The following MASP2 variants were observed in gnomAD, a reference collection of about 807,000 sequenced individuals.
MASP2 encodes mannan-binding lectin serine protease 2.
MASP2 carries 49 observed loss-of-function variants against 57.1 expected under a neutral mutation model. The observed-to-expected ratio is 0.86, with a 90% CI of 0.68 to 1.09. The LOEUF is 1.09. Among genes scored for constraint, MASP2 ranks in the 50% least tolerant of loss-of-function variants. MASP2 has a pLI of 0.00. For missense variants in MASP2, 900 were observed against 874.8 expected, an observed-to-expected ratio of 1.03 and a Z score of -0.36; for synonymous variants, 379 against 340.8, an observed-to-expected ratio of 1.11 and a Z score of -1.24.
At chr1:11,034,435 C>T (rs1337873423) in intron 8 of MASP2, among the ~76,000 whole-genome samples, 2 of 149,884 alleles carry the variant, frequency 1.3e-5, no homozygotes, top group East Asian at 2.0e-4. Flanking sequence ...CAGTGGCTCA[C>T]GCCTGTAATC....
Position 11,047,135 on chromosome 1 carries a change from G to C in MASP2, c.6-16C>G. The C allele has an allele frequency of 6.5e-7, 1 of 1,548,800 alleles. No individual in the cohort carries two copies. On this transcript the variant is annotated splice_polypyrimidine_tract_variant and intron_variant, in intron 1 of 10. Transcript: ENST00000400897. Reference sequence around the variant, plus strand: ...GGTCAGCAGCCTATGGGCAGGGCAGGGGCGGTGAGGGCCCAGGCCTGTGCT... The same window carrying C: ...GGTCAGCAGCCTATGGGCAGGGCAGCGGCGGTGAGGGCCCAGGCCTGTGCT...
In MASP2 at chr1:11,030,197, A is replaced by G. The variant is rs770747868; in HGVS notation, c.1276T>C (p.Ser426Pro). The change falls in exon 10 of 11, where the codon TCA (serine) becomes CCA (proline). Residue 426 changes from serine to proline, a missense_variant. Transcript: ENST00000400897. The stretch of plus-strand genomic sequence containing the variant: ...TTACCAGGCTCACAGACTGGGAGTG[A>G]TTTTTCTCCTTTGGAGCTCGTCCAG... ...GFWTSSKGEK[S>P]LPVCEPVCGL... 2.5e-5 allele frequency: 41 copies of G among 1,613,180 alleles called. No homozygotes were observed. Among genetic ancestry groups the G allele is most frequent in the Non-Finnish European group, 3.4e-5 (40 of 1,179,730 alleles).
intron 8 of MASP2, among the ~76,000 whole-genome samples, chr1:11,031,294 C>A: frequency 6.6e-6 from 1 of 151,672 alleles, no homozygotes; most frequent in South Asian, 2.1e-4. Context: ...GAGGCCGAGG[C>A]GGGCAGATCA....
At chr1:11,045,026 G>T in intron 4 of MASP2, 3 of 1,429,718 alleles carry the variant, frequency 2.1e-6, no homozygotes, top group Non-Finnish European at 2.0e-6. Flanking sequence ...CAGGGTCAGC[G>T]CCAGCAGGTG....
chr1:11,030,624 G>A, intron 9 of MASP2, 124 bp downstream of exon 9: 2 of 1,051,326 alleles, frequency 1.9e-6, no homozygotes, highest in East Asian at 2.7e-5. Flanking sequence ...CTTAGCGGAT[G>A]GGAGAAGTGG....
intron 9 of MASP2, 130 bp downstream of exon 9, chr1:11,030,618 G>A: frequency 1.0e-6 from 1 of 998,744 alleles, no homozygotes; most frequent in Non-Finnish European, 1.4e-6. Flanking sequence ...ATTTCACTTA[G>A]CGGATGGGAG....
chr1:11,037,711 A>AGTCTCGCAAAAGATGGAGAAGCT lies in MASP2; in HGVS notation c.967_989dup (p.Gly331AlafsTer19), dbSNP rs1638290771. The AGTCTCGCAAAAGATGGAGAAGCT allele has an allele frequency of 6.2e-7, 1 of 1,610,996 alleles. No homozygotes were observed. The highest frequency in any genetic ancestry group is 8.5e-7 in the Non-Finnish European group (1 of 1,178,788). The stretch of plus-strand genomic sequence containing the variant: ...AACTCACTTGCAGAAGCTCATAGCC[A>AGTCTCGCAAAAGATGGAGAAGCT]GTCTCGCAAAAGATGGAGAAGCTGT... On this transcript the variant is annotated frameshift_variant, in exon 7 of 11. Transcript: ENST00000400897. LOFTEE classifies it high-confidence loss of function.
chr1:11,045,149 G>T, intron 4 of MASP2: 1 of 748,246 alleles, frequency 1.3e-6, no homozygotes, highest in Non-Finnish European at 2.3e-6. Flanking sequence ...TACATGAGGG[G>T]TTCCCAGAGC....
chr1:11,044,761 T>TGC, intron 4 of MASP2: 859 of 1,312,164 alleles, frequency 6.5e-4, no homozygotes, highest in Middle Eastern at 8.4e-4. Flanking sequence ...CCCCGCCGCC[T>TGC]CCCGACCCTC....
At position 11,043,286 on chromosome 1, in the gene MASP2, A is replaced by G. The variant is rs902854168; in HGVS notation, c.741+53T>C. 749 of 1,489,490 alleles carry G rather than the reference A, an allele frequency of 5.0e-4. 1 individual carries two copies. The highest frequency in any genetic ancestry group is 6.5e-4 in the Non-Finnish European group (710 of 1,093,136). The allele number at this position is 1,489,490 out of a possible 1,614,324, so 92.3% of individuals were successfully genotyped here. A position where few individuals can be genotyped will look rare whatever the true frequency, so the allele number is the denominator to read the frequency against. On this transcript the variant is annotated intron_variant, in intron 5 of 10. Transcript: ENST00000400897. ...CCATGCTGCAGGAAGTAGGGGGTGC[A>G]GCTGGGCTGAGGGGGAGGATCTGGG... is the stretch of plus-strand genomic sequence containing the variant.
intron 6 of MASP2, among the ~76,000 whole-genome samples, chr1:11,038,445 T>C (rs1368451034): frequency 6.6e-6 from 1 of 152,162 alleles, no homozygotes. Flanking sequence ...CCAGGCTGAT[T>C]TGGGGAGCCT....
chr1:11,043,654 G>C (rs1638534129), intron 4 of MASP2, 119 bp from the exon 5 acceptor site: 2 of 715,636 alleles, frequency 2.8e-6, no homozygotes, highest in Non-Finnish European at 2.3e-6. Flanking sequence ...TGGGACATCT[G>C]CATCCCTGGG....
intron 10 of MASP2, 100 bp downstream of exon 10, chr1:11,030,076 G>A (rs908808019): frequency 1.5e-5 from 12 of 804,862 alleles, no homozygotes; most frequent in Non-Finnish European, 2.2e-5. Context: ...AAGTGCTGAA[G>A]TTACATTTCT....
chr1:11,037,044 G>GTTATA (rs999573748), intron 7 of MASP2, among the ~76,000 whole-genome samples: 4 of 152,050 alleles, frequency 2.6e-5, no homozygotes, highest in South Asian at 4.2e-4. Flanking sequence ...AAAGTTGCCC[G>GTTATA]TTTTATTTTA....
rs1444078113 is a variant in MASP2 at position 11,045,451 on chromosome 1, G to A, written c.501C>T (p.Cys167=). 4 of 1,613,204 alleles carry A rather than the reference G, an allele frequency of 2.5e-6. No individual in the cohort carries two copies. The highest frequency in any genetic ancestry group is 1.7e-5 in the Admixed American group (1 of 60,020). ...HNHLGGFYCS[C]RAGYVLHRNK... ...TACGGTGCAGGACGTAGCCTGCGCG[G>A]CAGGAGCAGTAGAAACCGCCCAGGT... is the stretch of plus-strand genomic sequence containing the variant. The change falls in exon 4 of 11, where the codon TGC becomes TGT. Residue 167 remains cysteine (C), a synonymous_variant. Coordinates refer to ENST00000400897, the MANE Select transcript of MASP2 (RefSeq NM_006610.4).
intron 8 of MASP2, among the ~76,000 whole-genome samples, chr1:11,032,523 A>T (rs1272161955): frequency 6.6e-6 from 1 of 151,650 alleles, no homozygotes; most frequent in African/African-American, 2.4e-5. Context: ...AAGCAGGAGA[A>T]TTGCTTGAAC....
Position 11,046,645 on chromosome 1 carries a change from G to T in MASP2, c.323C>A (p.Ser108Ter). The change falls in exon 3 of 11, where the codon TCG becomes TAG. Residue 108 changes from serine (S) to a stop codon, truncating the protein, a stop_gained. Coordinates refer to ENST00000400897, the MANE Select transcript of MASP2 (RefSeq NM_006610.4). LOFTEE classifies it high-confidence loss of function. ...ERAPGKDTFY[S>*]LGSSLDITFR... is the part of the protein sequence containing the mutation. ...GGTAATGTCCAGGCTGGAGCCCAGC[G>T]AGTAGAAAGTGTCCTTGCCAGGGGC... is the stretch of plus-strand genomic sequence containing the variant. 6.2e-7 allele frequency: 1 copy of T among 1,613,634 alleles called. No individual in the cohort carries two copies. The highest frequency in any genetic ancestry group is 1.3e-5 in the African/African-American group (1 of 75,084).
chr1:11,031,078 T>G lies in MASP2; in HGVS notation c.1088-196A>C, dbSNP rs567295260. ...GCCGAGCATGGTGGCACGTGCCTGTTGTCCCAATTACTTGAGAGGCTGAGG... is the reference window on the plus strand; with the variant it reads ...GCCGAGCATGGTGGCACGTGCCTGTGGTCCCAATTACTTGAGAGGCTGAGG... On this transcript the variant is annotated intron_variant, in intron 8 of 10. Coordinates refer to ENST00000400897, the MANE Select transcript of MASP2 (RefSeq NM_006610.4). Among the ~76,000 whole-genome samples, 8 of 151,898 alleles carry G rather than the reference T, an allele frequency of 5.3e-5. 1 individual carries two copies. In the South Asian group the frequency reaches 1.7e-3, roughly 32 times the overall value.
intron 4 of MASP2, among the ~76,000 whole-genome samples, 192 bp from the exon 5 acceptor site, chr1:11,043,727 G>A (rs7536396): frequency 0.091 from 13,818 of 152,066 alleles, 1,992 homozygotes; most frequent in African/African-American, 0.31. Context: ...CGACCCACCC[G>A]ATGGCTGAGG....
Sources: gnomAD v4.1 joint callset for allele counts (sites outside exome capture counted in the v4.1 genomes callset) on GRCh38, gnomAD v4.1.1 for gene constraint, MANE v1.5 for transcripts, NCBI Gene and HGNC (gene_info 2026-07-23, HGNC 2026-07-21) for gene names.